SMYD3: variants seen among roughly 807,000 people sequenced by gnomAD.
SMYD3 encodes the protein histone-lysine N-methyltransferase SMYD3.
SMYD3 carries 36 observed loss-of-function variants against 57.7 expected under a neutral mutation model. The ratio of observed to expected loss-of-function variants is 0.62; its 90% CI spans 0.48 to 0.82. The LOEUF (loss-of-function observed/expected upper bound fraction) is 0.82, where lower values mean the gene tolerates loss of function less well. SMYD3 is among the 40% of genes least tolerant of loss of function. The pLI is 0.00. For synonymous variants in SMYD3, 211 were observed against 195.0 expected, an observed-to-expected ratio of 1.08 and a Z score of -0.68; for missense variants, 515 against 538.8, an observed-to-expected ratio of 0.96 and a Z score of 0.44.
intron 1 of SMYD3, among the ~76,000 whole-genome samples, chr1:246,374,486 C>A (rs1483957625): frequency 1.3e-5 from 2 of 152,108 alleles, no homozygotes; most frequent in Non-Finnish European, 2.9e-5. Flanking sequence ...CTCTGTTTTT[C>A]TCATTTTTCT....
At chr1:246,505,454 G>T (rs1441571302) in intron 1 of SMYD3, among the ~76,000 whole-genome samples, 1 of 144,302 alleles carries the variant, frequency 6.9e-6, no homozygotes, top group Non-Finnish European at 1.5e-5. Context: ...CAGCACCAGG[G>T]TCCAGTGTCT....
chr1:245,963,917 G>C (rs2058073894), intron 5 of SMYD3, among the ~76,000 whole-genome samples: 1 of 152,184 alleles, frequency 6.6e-6, no homozygotes, highest in Non-Finnish European at 1.5e-5. Context: ...CCCACTCACA[G>C]GACTACAGGA....
chr1:245,996,783 TA>T (rs1473275737), intron 5 of SMYD3, among the ~76,000 whole-genome samples: 1 of 152,180 alleles, frequency 6.6e-6, no homozygotes, highest in African/African-American at 2.4e-5. Flanking sequence ...TAGGGACACC[TA>T]CAGAAACACA....
At chr1:246,437,111 C>A (rs529511215) in intron 1 of SMYD3, among the ~76,000 whole-genome samples, 156 of 152,228 alleles carry the variant, frequency 1.0e-3, no homozygotes, top group Non-Finnish European at 1.9e-3. Context: ...GTTGGTCAGG[C>A]TGGTCTCGAA....
chr1:246,261,896 C>A (rs796202544), intron 5 of SMYD3, among the ~76,000 whole-genome samples: 2 of 152,064 alleles, frequency 1.3e-5, no homozygotes, highest in African/African-American at 2.4e-5. Context: ...ATTCTTAAAT[C>A]GGAGAAAAAA....
chr1:245,883,739 G>A (rs1352799611), intron 8 of SMYD3, among the ~76,000 whole-genome samples: 1 of 152,152 alleles, frequency 6.6e-6, no homozygotes, highest in East Asian at 1.9e-4. Context: ...TACAAATCTA[G>A]CGAGATGAAT....
At chr1:246,394,259 G>C (rs915971829) in intron 1 of SMYD3, among the ~76,000 whole-genome samples, 3 of 152,222 alleles carry the variant, frequency 2.0e-5, no homozygotes, top group Admixed American at 2.0e-4. Flanking sequence ...ACATTGGAAT[G>C]TAAGTATTCA....
chr1:246,497,948 T>G (rs901831813), intron 1 of SMYD3, among the ~76,000 whole-genome samples: 2 of 151,710 alleles, frequency 1.3e-5, no homozygotes, highest in East Asian at 1.9e-4. Flanking sequence ...AAGATATAAA[T>G]ATGGCCTTTA....
At chr1:246,275,916 G>A (rs1387545631) in intron 5 of SMYD3, among the ~76,000 whole-genome samples, 1 of 151,792 alleles carries the variant, frequency 6.6e-6, no homozygotes, top group Non-Finnish European at 1.5e-5. Flanking sequence ...GGAGTCTGAT[G>A]CCCATGTTTG....
chr1:246,117,413 G>A (rs1257581379), intron 5 of SMYD3, among the ~76,000 whole-genome samples: 1 of 152,152 alleles, frequency 6.6e-6, no homozygotes, highest in Non-Finnish European at 1.5e-5. Flanking sequence ...CAACCCAGAT[G>A]CCAAAAATAC....
intron 5 of SMYD3, among the ~76,000 whole-genome samples, chr1:246,095,998 T>G (rs1236542740): frequency 6.6e-6 from 1 of 152,196 alleles, no homozygotes; most frequent in East Asian, 1.9e-4. Flanking sequence ...ACACCTTCTA[T>G]CAAGCCATGA....
intron 10 of SMYD3, among the ~76,000 whole-genome samples, chr1:245,849,419 G>C (rs1206816740): frequency 6.6e-6 from 1 of 152,106 alleles, no homozygotes; most frequent in Admixed American, 6.5e-5. Context: ...TACCTTGAGG[G>C]GGTTTGGGGG....
intron 10 of SMYD3, among the ~76,000 whole-genome samples, chr1:245,825,530 G>A (rs1340165423): frequency 6.6e-6 from 1 of 152,168 alleles, no homozygotes; most frequent in African/African-American, 2.4e-5. Context: ...TCTTCAGGCT[G>A]GAAGGGGCTC....
At chr1:245,771,045 T>TACAC (rs35330040) in intron 10 of SMYD3, among the ~76,000 whole-genome samples, 18 of 151,018 alleles carry the variant, frequency 1.2e-4, no homozygotes, top group Admixed American at 3.3e-4. Flanking sequence ...GCTATATATA[T>TACAC]ACACACACAC....
intron 1 of SMYD3, among the ~76,000 whole-genome samples, chr1:246,411,636 T>G (rs374006827): frequency 2.0e-5 from 3 of 152,070 alleles, no homozygotes; most frequent in Non-Finnish European, 4.4e-5. Context: ...CATGGAATAC[T>G]ATGCAGCCAT....
chr1:246,191,348 A>G (rs1031004441), intron 5 of SMYD3, among the ~76,000 whole-genome samples: 1 of 152,182 alleles, frequency 6.6e-6, no homozygotes, highest in Non-Finnish European at 1.5e-5. Flanking sequence ...ATGCCAGAAG[A>G]CTAGGCTGGT....
chr1:245,898,261 A>G (rs1175680151), intron 8 of SMYD3, among the ~76,000 whole-genome samples: 1 of 152,200 alleles, frequency 6.6e-6, no homozygotes, highest in African/African-American at 2.4e-5. Context: ...TTCTCAAACG[A>G]AAATAAAATT....
intron 8 of SMYD3, among the ~76,000 whole-genome samples, chr1:245,885,390 T>C (rs1259093451): frequency 6.6e-6 from 1 of 152,216 alleles, no homozygotes; most frequent in Non-Finnish European, 1.5e-5. Flanking sequence ...TTGGCACAGC[T>C]GCCAGCATTC....
chr1:245,988,637 ATTT>A (rs924517551), intron 5 of SMYD3: 1 of 152,212 alleles, frequency 6.6e-6, no homozygotes, highest in Non-Finnish European at 1.5e-5. Flanking sequence ...TCAAGCCCAG[ATTT>A]TAGCAATGGG....
Sources: gnomAD v4.1 joint callset for allele counts (sites outside exome capture counted in the v4.1 genomes callset) on GRCh38, gnomAD v4.1.1 for gene constraint, MANE v1.5 for transcripts, NCBI Gene and HGNC (gene_info 2026-07-23, HGNC 2026-07-21) for gene names.